The following ELOVL6 variants were observed in gnomAD, a reference collection of about 807,000 sequenced individuals.
The protein encoded by ELOVL6 is very long chain fatty acid elongase 6.
In ELOVL6, 8 loss-of-function variants were observed where a neutral mutation model predicts 31.7. That is an observed-to-expected ratio of 0.25 (90% CI 0.15 to 0.45). The LOEUF (loss-of-function observed/expected upper bound fraction) is 0.45, where lower values mean the gene tolerates loss of function less well. Ranked by LOEUF, ELOVL6 falls within the 20% of genes least tolerant of loss-of-function variation. ELOVL6 has a pLI of 1.00. For missense variants in ELOVL6, 126 were observed against 326.4 expected, an observed-to-expected ratio of 0.39 and a Z score of 4.73; for synonymous variants, 101 against 117.7, an observed-to-expected ratio of 0.86 and a Z score of 0.92.
chr4:110,069,293 CA>C (rs935405763), intron 2 of ELOVL6, among the ~76,000 whole-genome samples: 4 of 150,774 alleles, frequency 2.7e-5, no homozygotes, highest in African/African-American at 9.8e-5. Flanking sequence ...TTTGTAAAAA[CA>C]AGCAGGATTT....
At position 110,192,139 on chromosome 4, in the gene ELOVL6, G is replaced by A. The variant is rs115435847; in HGVS notation, c.89+6108C>T. On this transcript the variant is annotated intron_variant, in intron 1 of 3. Coordinates refer to ENST00000302274, the MANE Select transcript of ELOVL6 (RefSeq NM_024090.3). Reference sequence around the variant, plus strand: ...CAGGAGGCAGAGGTTGCAGTAAGCCGAGATGGAACAATTGCACTCCAGCCT... The same window carrying A: ...CAGGAGGCAGAGGTTGCAGTAAGCCAAGATGGAACAATTGCACTCCAGCCT... Among the ~76,000 whole-genome samples the A allele has an allele frequency of 8.4e-3, 1,248 of 149,174 alleles. 11 individuals are homozygous for A. Among genetic ancestry groups the A allele is most frequent in the African/African-American group, 0.029 (1,170 of 40,400 alleles).
At chr4:110,068,979 T>C (rs1387208058) in intron 2 of ELOVL6, among the ~76,000 whole-genome samples, 2 of 151,960 alleles carry the variant, frequency 1.3e-5, no homozygotes, top group East Asian at 3.9e-4. Context: ...CTGTCTCTAC[T>C]AAAAACACAA....
intron 1 of ELOVL6, among the ~76,000 whole-genome samples, chr4:110,141,543 C>A (rs1258647969): frequency 6.6e-6 from 1 of 151,792 alleles, no homozygotes; most frequent in East Asian, 1.9e-4. Context: ...TAAGGCAGCA[C>A]TACAGATGAT....
chr4:110,158,659 T>TATATATA (rs1560849884), intron 1 of ELOVL6, among the ~76,000 whole-genome samples: 43 of 44,674 alleles, frequency 9.6e-4, no homozygotes, highest in Admixed American at 5.9e-3. Flanking sequence ...ATATATATAT[T>TATATATA]TTTTTTTTTT....
chr4:110,128,354 T>C (rs944822197), intron 1 of ELOVL6, among the ~76,000 whole-genome samples: 1 of 152,208 alleles, frequency 6.6e-6, no homozygotes, highest in Non-Finnish European at 1.5e-5. Flanking sequence ...TGCTAAGACG[T>C]TTCTTTTTCA....
chr4:110,057,805 C>T (rs941989966), intron 3 of ELOVL6, among the ~76,000 whole-genome samples: 9 of 148,378 alleles, frequency 6.1e-5, no homozygotes, highest in South Asian at 2.2e-4. Flanking sequence ...GAGCCGAGAT[C>T]GCGCCACTGC....
chr4:110,137,223 A>C (rs921314982), intron 1 of ELOVL6, among the ~76,000 whole-genome samples: 2 of 152,196 alleles, frequency 1.3e-5, no homozygotes, highest in Non-Finnish European at 2.9e-5. Context: ...GAATTCCGTG[A>C]TTCTCTGACT....
At chr4:110,178,576 G>C (rs1040547223) in intron 1 of ELOVL6, among the ~76,000 whole-genome samples, 1 of 151,764 alleles carries the variant, frequency 6.6e-6, no homozygotes, top group African/African-American at 2.4e-5. Flanking sequence ...AGGAAAATGG[G>C]CCAGACGCGG....
At chr4:110,175,215 T>A (rs1759066490) in intron 1 of ELOVL6, among the ~76,000 whole-genome samples, 1 of 151,878 alleles carries the variant, frequency 6.6e-6, no homozygotes, top group South Asian at 2.1e-4. Context: ...AAACACTGTC[T>A]CTACAAAAAA....
At chr4:110,070,792 C>T (rs551159894) in intron 2 of ELOVL6, among the ~76,000 whole-genome samples, 10 of 152,258 alleles carry the variant, frequency 6.6e-5, no homozygotes, top group Non-Finnish European at 1.0e-4. Flanking sequence ...CTTCCCCAGT[C>T]GCCTCCACCA....
At chr4:110,073,451 G>A (rs148872503) in intron 2 of ELOVL6, among the ~76,000 whole-genome samples, 2,268 of 152,310 alleles carry the variant, frequency 0.015, 22 homozygotes, top group Admixed American at 0.025. Context: ...AAGCACCAAT[G>A]AATAACGCAA....
chr4:110,147,989 C>T (rs983910279), intron 1 of ELOVL6, among the ~76,000 whole-genome samples: 1 of 151,868 alleles, frequency 6.6e-6, no homozygotes, highest in African/African-American at 2.4e-5. Flanking sequence ...TGGCGCATGC[C>T]TGTAATCCCA....
At chr4:110,055,332 A>G (rs895436480) in intron 3 of ELOVL6, among the ~76,000 whole-genome samples, 3 of 152,192 alleles carry the variant, frequency 2.0e-5, no homozygotes, top group African/African-American at 7.2e-5. Flanking sequence ...TGGTCAGTCA[A>G]TCTTTCTTGT....
At chr4:110,148,493 G>C (rs543238155) in intron 1 of ELOVL6, among the ~76,000 whole-genome samples, 9 of 150,924 alleles carry the variant, frequency 6.0e-5, no homozygotes, top group African/African-American at 9.8e-5. Context: ...GGGGTTGTGC[G>C]GGGGAGGGGG....
chr4:110,069,154 A>ATAG (rs1483031258), intron 2 of ELOVL6, among the ~76,000 whole-genome samples: 3 of 142,176 alleles, frequency 2.1e-5, no homozygotes, highest in African/African-American at 7.6e-5. Context: ...AATAATAATA[A>ATAG]TAATAATAAT....
At chr4:110,143,392 T>C (rs1758020016) in intron 1 of ELOVL6, among the ~76,000 whole-genome samples, 1 of 152,194 alleles carries the variant, frequency 6.6e-6, no homozygotes, top group Non-Finnish European at 1.5e-5. Context: ...ATGGCGCTCC[T>C]GCATCTGAGA....
At chr4:110,084,545 C>CAGATATATATTT (rs1756163177) in intron 2 of ELOVL6, among the ~76,000 whole-genome samples, 1 of 71,020 alleles carries the variant, frequency 1.4e-5, no homozygotes, top group Non-Finnish European at 2.4e-5. Context: ...CACACACACA[C>CAGATATATATTT]ACACACACAC....
intron 2 of ELOVL6, among the ~76,000 whole-genome samples, chr4:110,079,141 G>A (rs1392897086): frequency 6.6e-6 from 1 of 152,082 alleles, no homozygotes; most frequent in Non-Finnish European, 1.5e-5. Context: ...AATAATAATG[G>A]GAGACTTTAA....
At chr4:110,139,426 T>C (rs78760644) in intron 1 of ELOVL6, among the ~76,000 whole-genome samples, 1,839 of 152,336 alleles carry the variant, frequency 0.012, 21 homozygotes, top group Non-Finnish European at 0.018. Context: ...GTTTATTTTA[T>C]TTCTATCGTA....
Sources: allele counts gnomAD v4.1 joint callset (sites outside exome capture counted in the v4.1 genomes callset), GRCh38; gene constraint gnomAD v4.1.1; transcripts MANE v1.5; gene names NCBI Gene and HGNC (gene_info 2026-07-23, HGNC 2026-07-21).